The following CRTAC1 variants were observed in gnomAD, a reference collection of about 807,000 sequenced individuals.
CRTAC1 encodes acidic secreted protein in cartilage.
Under a neutral mutation model 67.8 loss-of-function variants are expected in CRTAC1, and 37 were observed. The ratio of observed to expected loss-of-function variants is 0.55; its 90% CI spans 0.42 to 0.72. The LOEUF (loss-of-function observed/expected upper bound fraction) is 0.72, where lower values mean the gene tolerates loss of function less well. Ranked by LOEUF, CRTAC1 falls within the 30% of genes least tolerant of loss-of-function variation. The pLI is 0.00. For synonymous variants in CRTAC1, 348 were observed against 371.0 expected, an observed-to-expected ratio of 0.94 and a Z score of 0.71; for missense variants, 780 against 931.6, an observed-to-expected ratio of 0.84 and a Z score of 2.12.
chr10:97,921,901 C>CTTTTTT (rs55837214), intron 4 of CRTAC1, among the ~76,000 whole-genome samples: 2 of 144,922 alleles, frequency 1.4e-5, no homozygotes, highest in Non-Finnish European at 1.5e-5. Context: ...GCCAGGTCAT[C>CTTTTTT]TTTTTTTTTT....
chr10:97,975,033 G>C lies in CRTAC1; in HGVS notation c.224+36105C>G, dbSNP rs1413028258. Among the ~76,000 whole-genome samples the C allele has an allele frequency of 6.6e-6, 1 of 152,000 alleles. No individual in the cohort carries two copies. The highest frequency in any genetic ancestry group is 6.5e-5 in the Admixed American group (1 of 15,268). Reference sequence around the variant, plus strand: ...GGAGCCCGCGGGAGGAGGCCGGAGCGCGGGCAGGGACTGGCGCGGGATCGA... The same window carrying C: ...GGAGCCCGCGGGAGGAGGCCGGAGCCCGGGCAGGGACTGGCGCGGGATCGA... On this transcript the variant is annotated intron_variant, in intron 2 of 14. Coordinates refer to ENST00000370597, the MANE Select transcript of CRTAC1 (RefSeq NM_018058.7). This position sits in a 1 kb window ranked among gnomAD's most constrained non-coding sequence, Gnocchi z 4.8.
At chr10:97,940,367 AC>A (rs1275349010) in intron 2 of CRTAC1, among the ~76,000 whole-genome samples, 2 of 152,256 alleles carry the variant, frequency 1.3e-5, no homozygotes, top group Non-Finnish European at 2.9e-5. Flanking sequence ...ATTTCTGAGC[AC>A]TTCTAGAAAT....
At chr10:98,002,496 T>C (rs1842709043) in intron 2 of CRTAC1, among the ~76,000 whole-genome samples, 1 of 152,170 alleles carries the variant, frequency 6.6e-6, no homozygotes, top group Non-Finnish European at 1.5e-5. Flanking sequence ...TCCAGACCTC[T>C]GTGATTCCCA....
intron 2 of CRTAC1, among the ~76,000 whole-genome samples, chr10:97,999,090 G>C (rs1842639195): frequency 6.6e-6 from 1 of 152,234 alleles, no homozygotes; most frequent in Non-Finnish European, 1.5e-5. Flanking sequence ...GGGAGGTGCA[G>C]CTGCAGGCCC....
At chr10:98,015,317 A>G (rs1590294212) in intron 1 of CRTAC1, among the ~76,000 whole-genome samples, 2 of 152,176 alleles carry the variant, frequency 1.3e-5, no homozygotes, top group African/African-American at 2.4e-5. Flanking sequence ...AGAGGTAGAA[A>G]GCAGAATGGT....
intron 3 of CRTAC1, among the ~76,000 whole-genome samples, chr10:97,923,999 G>A (rs1451303970): frequency 2.6e-5 from 4 of 152,092 alleles, no homozygotes; most frequent in Non-Finnish European, 5.9e-5. Flanking sequence ...CCAGGACTGG[G>A]GAGCCCCAGA....
intron 1 of CRTAC1, among the ~76,000 whole-genome samples, chr10:98,024,492 T>G (rs575271292): frequency 2.0e-5 from 3 of 152,164 alleles, no homozygotes; most frequent in Admixed American, 6.5e-5. Flanking sequence ...CACCCTTTCT[T>G]GGAGGGAGGG....
At chr10:97,990,094 G>C (rs917533611) in intron 2 of CRTAC1, among the ~76,000 whole-genome samples, 1 of 152,182 alleles carries the variant, frequency 6.6e-6, no homozygotes, top group African/African-American at 2.4e-5. Flanking sequence ...TAATGTTAAA[G>C]AATCTCCATA....
intron 4 of CRTAC1, among the ~76,000 whole-genome samples, chr10:97,922,673 TC>T: frequency 6.6e-6 from 1 of 152,296 alleles, no homozygotes; most frequent in African/African-American, 2.4e-5. Flanking sequence ...CCGTCTTTCC[TC>T]CCCATCCAGT....
intron 13 of CRTAC1, among the ~76,000 whole-genome samples, chr10:97,880,930 C>G (rs1004895025): frequency 6.6e-6 from 1 of 152,164 alleles, no homozygotes. Context: ...GCCCCCTGTG[C>G]AATTTCACAG....
rs748979109 is a variant in CRTAC1, at chr10:97,896,967, G to A, written c.1158C>T (p.Asp386=). The part of the protein sequence containing the change: ...LFRVIRREHG[D]PLIEELNPGD... ...CGGGATTGAGCTCCTCGATGAGGGG[G>A]TCTCCGTGCTCTCTACGGATGACGC... The change falls in exon 9 of 15, where the codon GAC becomes GAT. Residue 386 remains aspartate (D), a synonymous_variant. Coordinates refer to ENST00000370597, the MANE Select transcript of CRTAC1 (RefSeq NM_018058.7). 1.9e-6 allele frequency: 3 copies of A among 1,560,132 alleles called. No individual in the cohort carries two copies. The highest frequency in any genetic ancestry group is 3.8e-5 in the Admixed American group (2 of 52,244).
intron 7 of CRTAC1, among the ~76,000 whole-genome samples, chr10:97,902,066 C>T (rs999982267): frequency 1.3e-5 from 2 of 152,308 alleles, no homozygotes; most frequent in South Asian, 4.1e-4. Flanking sequence ...TTCTCCTAGG[C>T]ACCCTTCCTC....
At chr10:97,912,230 G>A (rs964497462) in intron 5 of CRTAC1, among the ~76,000 whole-genome samples, 1 of 152,178 alleles carries the variant, frequency 6.6e-6, no homozygotes, top group Non-Finnish European at 1.5e-5. Flanking sequence ...ACCACCTGCT[G>A]GGTGAATAAT....
chr10:97,919,000 G>T (rs1269744298), intron 4 of CRTAC1, among the ~76,000 whole-genome samples: 1 of 146,218 alleles, frequency 6.8e-6, no homozygotes. Flanking sequence ...GGTCAGGCTG[G>T]TCTCGAACTT....
intron 2 of CRTAC1, among the ~76,000 whole-genome samples, chr10:97,951,947 CA>C (rs1205352673): frequency 8.5e-5 from 13 of 152,138 alleles, no homozygotes; most frequent in Non-Finnish European, 1.5e-5. Context: ...AAAAGGTGCC[CA>C]GGGGATTCAC....
chr10:97,896,211 A>G (rs1213511143), intron 9 of CRTAC1, among the ~76,000 whole-genome samples: 2 of 152,146 alleles, frequency 1.3e-5, no homozygotes, highest in Non-Finnish European at 2.9e-5. Context: ...TGGTCTTTGC[A>G]TGGAGAGGGT....
intron 8 of CRTAC1, among the ~76,000 whole-genome samples, chr10:97,901,118 G>A (rs542909541): frequency 4.2e-5 from 6 of 144,472 alleles, no homozygotes; most frequent in Non-Finnish European, 7.5e-5. Flanking sequence ...ATTGGACCCC[G>A]TAGCCCCTTT....
intron 14 of CRTAC1, among the ~76,000 whole-genome samples, chr10:97,873,320 G>A (rs1450153310): frequency 6.6e-6 from 1 of 152,204 alleles, no homozygotes; most frequent in Non-Finnish European, 1.5e-5. Context: ...TTTGGCACAT[G>A]TGAGACACCT....
At chr10:97,989,937 C>T (rs1016314343) in intron 2 of CRTAC1, among the ~76,000 whole-genome samples, 2 of 152,230 alleles carry the variant, frequency 1.3e-5, no homozygotes, top group African/African-American at 2.4e-5. Flanking sequence ...TTCTCTCATT[C>T]TTTCTCCATG....
Sources: gnomAD v4.1 joint callset for allele counts (sites outside exome capture counted in the v4.1 genomes callset) on GRCh38, gnomAD v4.1.1 for gene constraint, Gnocchi (gnomAD v3.1) non-coding constraint, MANE v1.5 for transcripts, NCBI Gene and HGNC (gene_info 2026-07-23, HGNC 2026-07-21) for gene names.